SERPINF2: variants seen among roughly 807,000 people sequenced by gnomAD.
The protein encoded by SERPINF2 is serpin family F member 2.
Under a neutral mutation model 45.0 loss-of-function variants are expected in SERPINF2, and 15 were observed. That is an observed-to-expected ratio of 0.33 (90% CI 0.22 to 0.51). The LOEUF is 0.51. SERPINF2 is among the 20% of genes least tolerant of loss of function. The pLI is 0.97. For synonymous variants in SERPINF2, 283 were observed against 277.9 expected (o/e 1.02, Z -0.18); for missense variants, 518 against 637.4 (o/e 0.81, Z 2.02).
Position 1,745,112 on chromosome 17 carries a change from C to T in SERPINF2, c.63+54C>T, listed in dbSNP as rs914849811. On this transcript the variant is annotated intron_variant, in intron 2 of 9. Coordinates refer to ENST00000453066, the MANE Select transcript of SERPINF2 (RefSeq NM_000934.4). This position sits in a 1 kb window ranked among gnomAD's most constrained non-coding sequence, Gnocchi z 6.2. ...TGGGGTGGAGGGGGAAGAAGAGGGG[C>T]GTTGGCATGGAGGGAGGGCTTGGCT... The T allele has an allele frequency of 6.5e-5, 104 of 1,604,670 alleles. No individual in the cohort carries two copies. Among genetic ancestry groups the T allele is most frequent in the Non-Finnish European group, 7.9e-5 (93 of 1,176,606 alleles).
In SERPINF2 at chr17:1,754,576, C is replaced by A. The variant is rs773323308; in HGVS notation, c.*42C>A. ...CATCCAGAGTCCCTGCCTGGACCAG[C>A]CTCTCCACTCATGTGACTCTTTCCA... On this transcript the variant is annotated 3_prime_UTR_variant, in exon 10 of 10. Coordinates refer to ENST00000453066, the MANE Select transcript of SERPINF2 (RefSeq NM_000934.4). 7.5e-6 allele frequency: 12 copies of A among 1,590,362 alleles called. No individual in the cohort carries two copies. The South Asian group carries it at 1.3e-4, about 18-fold the overall frequency.
At chr17:1,744,115 G>A (rs892177481) in intron 1 of SERPINF2, among the ~76,000 whole-genome samples, 3 of 151,254 alleles carry the variant, frequency 2.0e-5, no homozygotes, top group African/African-American at 7.3e-5. Flanking sequence ...GGCTGGTCTT[G>A]AACTCCCGAC....
At chr17:1,748,070 C>T (rs906695547) in intron 7 of SERPINF2, among the ~76,000 whole-genome samples, 4 of 151,522 alleles carry the variant, frequency 2.6e-5, no homozygotes, top group African/African-American at 4.8e-5. Context: ...GAGGCCGAGG[C>T]GGGCAGATCA....
chr17:1,746,837 G>A (rs1905870503), intron 5 of SERPINF2, among the ~76,000 whole-genome samples, 182 bp from the exon 6 acceptor site: 1 of 152,208 alleles, frequency 6.6e-6, no homozygotes, highest in Non-Finnish European at 1.5e-5. Context: ...CTTGTGGGGG[G>A]TGAGGTCACC....
intron 8 of SERPINF2, among the ~76,000 whole-genome samples, chr17:1,749,397 A>G (rs987328054): frequency 2.6e-5 from 4 of 152,242 alleles, no homozygotes; most frequent in Admixed American, 6.6e-5. Flanking sequence ...CAGGAGTTCG[A>G]GACCAGCCTG....
At position 1,754,486 on chromosome 17, in the gene SERPINF2, T is replaced by C. The variant is rs1380522137; in HGVS notation, c.1428T>C (p.Leu476=). The C allele has an allele frequency of 3.1e-6, 5 of 1,609,392 alleles. No homozygotes were observed. Among genetic ancestry groups the C allele is most frequent in the Non-Finnish European group, 3.4e-6 (4 of 1,178,136 alleles). ...AGCTTTTCGGCCCTGACTTAAAACT[T>C]GTGCCCCCCATGGAGGAGGATTACC... ...GDKLFGPDLK[L]VPPMEEDYPQ... Residue 476 remains leucine, a synonymous_variant, in exon 10 of 10, where the codon CTT becomes CTC. Transcript: ENST00000453066.
In SERPINF2 at chr17:1,744,943, C is replaced by T. The variant is rs373572476; in HGVS notation, c.-4-49C>T. The T allele has an allele frequency of 6.2e-5, 100 of 1,611,700 alleles. No individual in the cohort carries two copies. In the African/African-American group the frequency reaches 1.0e-3, roughly 16 times the overall value. On this transcript the variant is annotated intron_variant, in intron 1 of 9. Coordinates refer to ENST00000453066, the MANE Select transcript of SERPINF2 (RefSeq NM_000934.4). ...TGATCGCGTGGGTAGGATTCCCTGGCGGGCGTGGGGATGTGAGATGGGAAC... is the reference window on the plus strand; with the variant it reads ...TGATCGCGTGGGTAGGATTCCCTGGTGGGCGTGGGGATGTGAGATGGGAAC...
chr17:1,743,882 A>C (rs540938372), intron 1 of SERPINF2, among the ~76,000 whole-genome samples: 1 of 151,690 alleles, frequency 6.6e-6, no homozygotes, highest in African/African-American at 2.4e-5. Context: ...CATTGTACTC[A>C]GGGTTTACAA....
At chr17:1,751,363 C>T (rs1203308327) in intron 8 of SERPINF2, among the ~76,000 whole-genome samples, 1 of 145,412 alleles carries the variant, frequency 6.9e-6, no homozygotes, top group Non-Finnish European at 1.5e-5. Flanking sequence ...GCAGGAGAAT[C>T]ACTTGAACCC....
intron 5 of SERPINF2, 150 bp from the exon 6 acceptor site, chr17:1,746,868 TG>T: frequency 9.3e-7 from 1 of 1,073,136 alleles, no homozygotes; most frequent in Non-Finnish European, 1.3e-6. Context: ...GCCACAGGGG[TG>T]AGAGCCACGC....
In SERPINF2 at chr17:1,747,413, C is replaced by G; in HGVS notation, c.616C>G (p.Gln206Glu). The change falls in exon 7 of 10, where the codon CAA becomes GAA. Residue 206 changes from glutamine (Q) to glutamate (E), a missense_variant. Physicochemically the swap from Gln to Glu is conservative, Grantham distance 29. Coordinates refer to ENST00000453066, the MANE Select transcript of SERPINF2 (RefSeq NM_000934.4). ...GGAAGATGACCTGGCAAACATCAAC[C>G]AATGGGTGAAGGAGGCCACGGAGGG... ...KQEDDLANIN[Q>E]WVKEATEGKI... The G allele has an allele frequency of 1.2e-6, 2 of 1,614,170 alleles. No individual in the cohort carries two copies. Among genetic ancestry groups the G allele is most frequent in the South Asian group, 2.2e-5 (2 of 91,080 alleles).
chr17:1,751,381 AG>A lies in SERPINF2; in HGVS notation c.859-1204del, dbSNP rs1476995516. Among the ~76,000 whole-genome samples the A allele has an allele frequency of 1.5e-4, 14 of 91,672 alleles. 4 individuals carry two copies. Among genetic ancestry groups the A allele is most frequent in the Non-Finnish European group, 3.5e-4 (12 of 34,418 alleles). The allele number at this position is 91,672 out of a possible 152,430, so 60.1% of individuals were successfully genotyped here. A position where few individuals can be genotyped will look rare whatever the true frequency, so the allele number is the denominator to read the frequency against. ...GGAGAATCACTTGAACCCGGGTGGC[AG>A]AGGTTGCAGTGAGCCAAGATCATGC... On this transcript the variant is annotated intron_variant, in intron 8 of 9. Coordinates refer to ENST00000453066, the MANE Select transcript of SERPINF2 (RefSeq NM_000934.4).
Position 1,751,687 on chromosome 17 carries a change from G to T in SERPINF2, c.859-899G>T, listed in dbSNP as rs1906410776. Among the ~76,000 whole-genome samples the T allele has an allele frequency of 1.4e-5, 2 of 138,696 alleles. 1 individual carries two copies. The highest frequency in any genetic ancestry group is 3.3e-5 in the Non-Finnish European group (2 of 61,248). The allele number at this position is 138,696 out of a possible 152,430, so 91.0% of individuals were successfully genotyped here. On this transcript the variant is annotated intron_variant, in intron 8 of 9. Transcript: ENST00000453066. ...AAGAATGGCGTGAATCCACGAGGCG[G>T]AGGTTGCGGTGAGCCGAGATTGCGC... is the stretch of plus-strand genomic sequence containing the variant.
rs772873971 is a variant in SERPINF2 at position 1,754,315 on chromosome 17, C to A, written c.1257C>A (p.Ile419=). 15 of 1,614,210 alleles carry A rather than the reference C, an allele frequency of 9.3e-6. No individual in the cohort carries two copies. The East Asian group carries it at 3.3e-4, about 36-fold the overall frequency. The change falls in exon 10 of 10, where the codon ATC becomes ATA. Residue 419 remains isoleucine (I), a synonymous_variant. Transcript: ENST00000453066. ...FSVNRPFLFF[I]FEDTTGLPLF... ...TGAACCGCCCCTTCCTCTTCTTCAT[C>A]TTCGAGGACACCACAGGCCTTCCCC...
At chr17:1,748,838 C>G (rs1426026377) in intron 8 of SERPINF2, 98 bp downstream of exon 8, 2 of 786,172 alleles carry the variant, frequency 2.5e-6, no homozygotes, top group Non-Finnish European at 4.6e-6. Flanking sequence ...TGGAGGCTGT[C>G]TCGCCTTCCT....
chr17:1,754,258 C>T lies in SERPINF2; in HGVS notation c.1200C>T (p.Ala400=). 7 of 1,614,126 alleles carry T rather than the reference C, an allele frequency of 4.3e-6. No individual in the cohort carries two copies. Among genetic ancestry groups the T allele is most frequent in the Non-Finnish European group, 5.9e-6 (7 of 1,180,032 alleles). The change falls in exon 10 of 10, where the codon GCC becomes GCT. Residue 400 remains alanine (A), a synonymous_variant. Transcript: ENST00000453066. ...AGGCGGCGGCGGCCACCAGCATTGC[C>T]ATGTCCCGCATGTCCCTGTCCTCCT... is the stretch of plus-strand genomic sequence containing the variant. ...GVEAAAATSI[A]MSRMSLSSFS...
Position 1,745,446 on chromosome 17 carries a change from GC to G in SERPINF2, c.165+54del. ...AGTGGGCGGGGCTAGAGGGAGGAGG[GC>G]CCATCGGCAGGGGTCGGGGGGTGGG... On this transcript the variant is annotated intron_variant, in intron 4 of 9. Transcript: ENST00000453066. This position sits in a 1 kb window ranked among gnomAD's most constrained non-coding sequence, Gnocchi z 6.2. The G allele has an allele frequency of 3.0e-6, 2 of 662,820 alleles. No individual in the cohort carries two copies. Among genetic ancestry groups the G allele is most frequent in the Non-Finnish European group, 4.4e-6 (2 of 453,942 alleles). The allele number at this position is 662,820 out of a possible 1,614,324, so 41.1% of individuals were successfully genotyped here.
At chr17:1,752,516 C>T in intron 8 of SERPINF2, 70 bp from the exon 9 acceptor site, 1 of 1,435,100 alleles carries the variant, frequency 7.0e-7, no homozygotes. Context: ...CTTAGGAGCA[C>T]CTGCTGGCCC....
In SERPINF2 at chr17:1,753,201, C is replaced by T. The variant is rs372137050; in HGVS notation, c.1063+411C>T. Among the ~76,000 whole-genome samples the T allele has an allele frequency of 7.9e-5, 12 of 152,196 alleles. No individual in the cohort carries two copies. The East Asian group carries it at 2.3e-3, about 29-fold the overall frequency. On this transcript the variant is annotated intron_variant, in intron 9 of 9. Coordinates refer to ENST00000453066, the MANE Select transcript of SERPINF2 (RefSeq NM_000934.4). ...GGGTGGATTGCTTGAGCCCGGGAGT[C>T]CGACACCAGCCTGTGCAACACATTG...
Sources: allele counts gnomAD v4.1 joint callset (sites outside exome capture counted in the v4.1 genomes callset), GRCh38; gene constraint gnomAD v4.1.1; non-coding constraint Gnocchi (gnomAD v3.1); transcripts MANE v1.5; gene names NCBI Gene and HGNC (gene_info 2026-07-23, HGNC 2026-07-21).